The following FANK1 variants were observed in gnomAD, a reference collection of about 807,000 sequenced individuals.
FANK1 encodes the protein fibronectin type 3 and ankyrin repeat domains protein 1.
A neutral mutation model predicts 45.3 loss-of-function variants in FANK1; 44 were observed. That is an observed-to-expected ratio of 0.97 (90% confidence interval 0.76 to 1.25). The LOEUF (loss-of-function observed/expected upper bound fraction) is 1.25. FANK1 is among the 50% of genes most tolerant of loss of function. The probability of loss-of-function intolerance (pLI) is 0.00; values close to 1 mark genes in which losing one functional copy is unlikely to be tolerated. For synonymous variants in FANK1, 149 were observed against 152.5 expected, an observed-to-expected ratio of 0.98 and a Z score of 0.17; for missense variants, 391 against 424.4, an observed-to-expected ratio of 0.92 and a Z score of 0.69.
At chr10:125,904,176 TTCTAC>T (rs773008364) in intron 1 of FANK1, among the ~76,000 whole-genome samples, 1 of 152,198 alleles carries the variant, frequency 6.6e-6, no homozygotes, top group Admixed American at 6.5e-5. Context: ...AAAACCTATC[TTCTAC>T]TCATGAAAAG....
At chr10:125,897,477 CTT>C (rs1299078224) in intron 1 of FANK1, among the ~76,000 whole-genome samples, 5 of 151,520 alleles carry the variant, frequency 3.3e-5, no homozygotes, top group Non-Finnish European at 7.4e-5. Context: ...TATCTAAAAC[CTT>C]TATAGAAGGA....
chr10:125,975,371 A>C (rs1177598052), intron 1 of FANK1, among the ~76,000 whole-genome samples: 1 of 152,172 alleles, frequency 6.6e-6, no homozygotes, highest in African/African-American at 2.4e-5. Flanking sequence ...CAGTAATGGG[A>C]TTCCTGGGTC....
At chr10:125,910,679 G>T (rs112815364) in intron 1 of FANK1, among the ~76,000 whole-genome samples, 2 of 152,054 alleles carry the variant, frequency 1.3e-5, no homozygotes, top group Non-Finnish European at 2.9e-5. Context: ...TATTGAATCA[G>T]TCCACTGCTG....
In FANK1 at chr10:125,919,300, G is replaced by GT. The variant is rs1334567732; in HGVS notation, c.13+22648dup. On this transcript the variant is annotated intron_variant, in intron 1 of 10. Coordinates refer to ENST00000368693, the MANE Select transcript of FANK1 (RefSeq NM_145235.5). Reference sequence around the variant, plus strand: ...GGCTCACTGCAACCTCCGCTTCCCGGTTTCAAGCAATTCTCCTGCCTCAGC... The same window carrying GT: ...GGCTCACTGCAACCTCCGCTTCCCGGTTTTCAAGCAATTCTCCTGCCTCAGC... Among the ~76,000 whole-genome samples, 3 of 134,874 alleles carry GT rather than the reference G, an allele frequency of 2.2e-5. No homozygotes were observed. The Admixed American group carries it at 2.5e-4, about 11-fold the overall frequency. The allele number at this position is 134,874 out of a possible 152,430, so 88.5% of individuals were successfully genotyped here. A position where few individuals can be genotyped will look rare whatever the true frequency, so the allele number is the denominator to read the frequency against.
chr10:125,942,046 G>A (rs1314701514), intron 1 of FANK1, among the ~76,000 whole-genome samples: 1 of 152,104 alleles, frequency 6.6e-6, no homozygotes, highest in Non-Finnish European at 1.5e-5. Context: ...ATTTTATTAG[G>A]GATGGGGTCC....
chr10:125,957,789 T>C (rs905592376), intron 1 of FANK1, among the ~76,000 whole-genome samples: 1 of 152,164 alleles, frequency 6.6e-6, no homozygotes, highest in African/African-American at 2.4e-5. Context: ...CCTCCCAAAG[T>C]GCTGAGGTTA....
chr10:125,977,649 G>A (rs1272715086), intron 1 of FANK1, among the ~76,000 whole-genome samples: 3 of 152,136 alleles, frequency 2.0e-5, no homozygotes, highest in Admixed American at 2.0e-4. Flanking sequence ...GTGGCCGGGG[G>A]TTATTTGCTT....
intron 1 of FANK1, among the ~76,000 whole-genome samples, chr10:125,912,823 C>T (rs112725830): frequency 0.017 from 2,570 of 152,134 alleles, 39 homozygotes; most frequent in Non-Finnish European, 0.028. Flanking sequence ...TTAGTGGAGA[C>T]GGGCTTTCAC....
At chr10:125,973,552 C>A in intron 1 of FANK1, 1 of 768,872 alleles carries the variant, frequency 1.3e-6, no homozygotes, top group Non-Finnish European at 1.6e-6. Context: ...TATCTAGAAC[C>A]CTGAAATTGG....
chr10:125,912,443 AGTGTGTGTGTGTGT>A lies in FANK1; in HGVS notation c.13+15819_13+15832del, dbSNP rs60956003. On this transcript the variant is annotated intron_variant, in intron 1 of 10. Transcript: ENST00000368693. ...GTTTCCTTTTTATTGGCACCACCAA[AGTGTGTGTGTGTGT>A]GTGTGTGTGTGTGTGTGTGTGTGTG... Among the ~76,000 whole-genome samples the A allele has an allele frequency of 4.3e-4, 63 of 147,298 alleles. 1 individual carries two copies. Among genetic ancestry groups the A allele is most frequent in the African/African-American group, 1.1e-3 (42 of 39,958 alleles).
chr10:125,903,849 G>GTTTT (rs1945258808), intron 1 of FANK1, among the ~76,000 whole-genome samples: 1 of 151,668 alleles, frequency 6.6e-6, no homozygotes, highest in East Asian at 1.9e-4. Flanking sequence ...TTGTTTGTTT[G>GTTTT]TTTTGTTTTG....
chr10:125,912,443 A>AGTGTGTGTGTGT (rs60956003), intron 1 of FANK1, among the ~76,000 whole-genome samples: 39 of 147,190 alleles, frequency 2.6e-4, no homozygotes, highest in African/African-American at 9.3e-4. Flanking sequence ...GCACCACCAA[A>AGTGTGTGTGTGT]GTGTGTGTGT....
chr10:125,941,610 A>G (rs1348306813), intron 1 of FANK1, among the ~76,000 whole-genome samples: 1 of 152,252 alleles, frequency 6.6e-6, no homozygotes, highest in East Asian at 1.9e-4. Flanking sequence ...TCATAGCTGT[A>G]TGGTCTGCAG....
chr10:125,978,937 G>A (rs1367708951), intron 1 of FANK1, among the ~76,000 whole-genome samples: 1 of 152,228 alleles, frequency 6.6e-6, no homozygotes, highest in African/African-American at 2.4e-5. Context: ...GAAAGCCTGA[G>A]TAGCTAAGGC....
In FANK1 at chr10:126,005,084, G is replaced by T. The variant is rs571486940; in HGVS notation, c.705+35G>T. ...CTGCCTTGTTAACCACGCACATATC[G>T]TTAAGAATCTGAAATGCTGCTCCAT... On this transcript the variant is annotated intron_variant, in intron 7 of 10. Coordinates refer to ENST00000368693, the MANE Select transcript of FANK1 (RefSeq NM_145235.5). 1.3e-5 allele frequency: 20 copies of T among 1,580,162 alleles called. No homozygotes were observed. The South Asian group carries it at 1.8e-4, about 14-fold the overall frequency.
At chr10:125,992,790 G>C (rs901024760) in intron 3 of FANK1, among the ~76,000 whole-genome samples, 12 of 151,918 alleles carry the variant, frequency 7.9e-5, no homozygotes, top group Admixed American at 6.6e-5. Flanking sequence ...AGGTGGTTGG[G>C]GCTGTGCCCT....
intron 4 of FANK1, among the ~76,000 whole-genome samples, chr10:125,996,089 G>A (rs970928330): frequency 4.6e-5 from 7 of 152,226 alleles, no homozygotes; most frequent in Non-Finnish European, 1.0e-4. Context: ...AAGCTGCTAC[G>A]CTGGAGTATG....
At chr10:125,904,034 A>G (rs1166538750) in intron 1 of FANK1, among the ~76,000 whole-genome samples, 2 of 151,632 alleles carry the variant, frequency 1.3e-5, no homozygotes, top group Non-Finnish European at 2.9e-5. Context: ...CTAATTTTTT[A>G]TTTTTTTGAA....
Position 125,995,032 on chromosome 10 carries a change from T to TC in FANK1, c.317-383dup, listed in dbSNP as rs1554947953. The TC allele has an allele frequency of 2.5e-4, 209 of 824,128 alleles. No homozygotes were observed. The African/African-American group carries it at 3.1e-3, about 12-fold the overall frequency. The allele number at this position is 824,128 out of a possible 1,614,324, so 51.1% of individuals were successfully genotyped here. ...TAAAGCACTTTGTCTTTTTTTTTTT[T>TC]CCAAGTAGTTTAACATCTCTTTGGC... On this transcript the variant is annotated intron_variant, in intron 3 of 10. Coordinates refer to ENST00000368693, the MANE Select transcript of FANK1 (RefSeq NM_145235.5).
Sources: gnomAD v4.1 joint callset for allele counts (sites outside exome capture counted in the v4.1 genomes callset) on GRCh38, gnomAD v4.1.1 for gene constraint, MANE v1.5 for transcripts, NCBI Gene and HGNC (gene_info 2026-07-23, HGNC 2026-07-21) for gene names.